The following PPP6R3 variants were observed in gnomAD, a reference collection of about 807,000 sequenced individuals.
PPP6R3 encodes the protein protein phosphatase 6 regulatory subunit 3, also known as serine/threonine-protein phosphatase 6 regulatory subunit 3.
In PPP6R3, 38 loss-of-function variants were observed where a neutral mutation model predicts 110.7. The ratio of observed to expected loss-of-function variants is 0.34; its 90% CI spans 0.26 to 0.45. The LOEUF (loss-of-function observed/expected upper bound fraction) is 0.45. Among genes scored for constraint, PPP6R3 ranks in the 20% least tolerant of loss-of-function variants. The pLI is 1.00. For missense variants in PPP6R3, 870 were observed against 1,062.4 expected, an observed-to-expected ratio of 0.82 and a Z score of 2.52; for synonymous variants, 369 against 373.5, an observed-to-expected ratio of 0.99 and a Z score of 0.14.
At chr11:68,555,429 T>C (rs2099395490) in intron 7 of PPP6R3, among the ~76,000 whole-genome samples, 1 of 152,224 alleles carries the variant, frequency 6.6e-6, no homozygotes, top group South Asian at 2.1e-4. Flanking sequence ...TAAAATGTTT[T>C]TGCCCAAAGT....
At position 68,512,373 on chromosome 11, in the gene PPP6R3, C is replaced by T. The variant is rs534347286; in HGVS notation, c.-157-7128C>T. On this transcript the variant is annotated intron_variant, in intron 1 of 23. Transcript: ENST00000393800. ...ATACCAGATGACACAGTCTGGAGCA[C>T]CATAATCCCAAATGTTGGAATACCT... Among the ~76,000 whole-genome samples the T allele has an allele frequency of 5.3e-5, 8 of 152,206 alleles. No individual in the cohort carries two copies. In the South Asian group the frequency reaches 1.7e-3, roughly 32 times the overall value.
rs778047374 is a variant in PPP6R3 at position 68,596,185 on chromosome 11, A to C, written c.2005A>C (p.Thr669Pro). The C allele has an allele frequency of 2.5e-6, 4 of 1,614,260 alleles. No individual in the cohort carries two copies. In the South Asian group the frequency reaches 4.4e-5, roughly 18 times the overall value. Residue 669 changes from threonine (T) to proline (P), a missense_variant, in exon 19 of 24, where the codon ACG (threonine) becomes CCG (proline). Physicochemically the swap from Thr to Pro is conservative, Grantham distance 38. Transcript: ENST00000393800. Reference protein sequence around the residue: ...QDLFEPSSANTEDKMEVDLSE... With the variant: ...QDLFEPSSANPEDKMEVDLSE... ...CTTGTTTGAACCCAGCAGTGCCAAC[A>C]CGGAGGATAAAATGGAGGTGGACCT... is the stretch of plus-strand genomic sequence containing the variant.
intron 1 of PPP6R3, among the ~76,000 whole-genome samples, chr11:68,499,242 A>G (rs932729194): frequency 6.6e-6 from 1 of 152,056 alleles, no homozygotes; most frequent in Non-Finnish European, 1.5e-5. Flanking sequence ...TGGGAGTGGC[A>G]TGGTTGTCTG....
intron 2 of PPP6R3, among the ~76,000 whole-genome samples, chr11:68,525,239 A>G (rs1291669409): frequency 1.3e-5 from 2 of 152,256 alleles, no homozygotes; most frequent in African/African-American, 4.8e-5. Flanking sequence ...ATCTAAAAGC[A>G]TGAAGCCCAG....
At chr11:68,512,983 A>C (rs552933200) in intron 1 of PPP6R3, among the ~76,000 whole-genome samples, 4 of 152,112 alleles carry the variant, frequency 2.6e-5, no homozygotes, top group African/African-American at 9.7e-5. Flanking sequence ...CATCCAATCA[A>C]CCAGGGTCCA....
chr11:68,528,310 C>T (rs1185764220), intron 2 of PPP6R3, among the ~76,000 whole-genome samples: 1 of 151,916 alleles, frequency 6.6e-6, no homozygotes, highest in Admixed American at 6.6e-5. Context: ...GCTTTTGACA[C>T]CTTCTTTGGA....
intron 10 of PPP6R3, among the ~76,000 whole-genome samples, chr11:68,568,816 C>T (rs2153771855): frequency 6.6e-6 from 1 of 151,752 alleles, no homozygotes; most frequent in South Asian, 2.1e-4. Flanking sequence ...GTCGCCCAGG[C>T]TGGAGTGCAG....
At chr11:68,535,443 C>G (rs915742725) in intron 2 of PPP6R3, 1 of 152,144 alleles carries the variant, frequency 6.6e-6, no homozygotes, top group South Asian at 2.1e-4. Context: ...TCCTCCACAT[C>G]GACTCCTCTT....
intron 1 of PPP6R3, among the ~76,000 whole-genome samples, chr11:68,514,241 CTT>C (rs113039036): frequency 8.1e-5 from 12 of 148,942 alleles, no homozygotes; most frequent in African/African-American, 2.7e-4. Flanking sequence ...ATGAAAAAAA[CTT>C]TTTTTTTTGT....
intron 2 of PPP6R3, among the ~76,000 whole-genome samples, chr11:68,525,343 A>G (rs182649702): frequency 1.3e-5 from 2 of 152,304 alleles, no homozygotes; most frequent in African/African-American, 4.8e-5. Flanking sequence ...CAGACAGTTA[A>G]TGTGATTGTG....
At chr11:68,484,602 T>G (rs1272419610) in intron 1 of PPP6R3, among the ~76,000 whole-genome samples, 3 of 151,574 alleles carry the variant, frequency 2.0e-5, no homozygotes, top group Admixed American at 2.0e-4. Flanking sequence ...AGATACATAT[T>G]TTGAGACGGA....
At chr11:68,558,748 T>C (rs1329490726) in intron 8 of PPP6R3, 69 bp downstream of exon 8, 1 of 1,206,126 alleles carries the variant, frequency 8.3e-7, no homozygotes, top group Non-Finnish European at 1.2e-6. Flanking sequence ...GTTAAATTCT[T>C]AGTGGATAAG....
chr11:68,561,593 G>A (rs1317242749), intron 8 of PPP6R3, among the ~76,000 whole-genome samples: 1 of 152,184 alleles, frequency 6.6e-6, no homozygotes, highest in African/African-American at 2.4e-5. Flanking sequence ...TCTTGGGAAT[G>A]CAAGGCTCAT....
chr11:68,530,320 A>G (rs1233729289), intron 2 of PPP6R3, among the ~76,000 whole-genome samples: 1 of 152,022 alleles, frequency 6.6e-6, no homozygotes, highest in Non-Finnish European at 1.5e-5. Flanking sequence ...GTGTGCTTGC[A>G]TGTCTTTGTA....
intron 1 of PPP6R3, among the ~76,000 whole-genome samples, chr11:68,511,486 G>GTGTA (rs1304260004): frequency 6.8e-6 from 1 of 148,060 alleles, no homozygotes; most frequent in African/African-American, 2.5e-5. Flanking sequence ...GTGTGTGTGT[G>GTGTA]TGTGTGTGTT....
intron 12 of PPP6R3, 123 bp downstream of exon 12, chr11:68,571,227 A>T: frequency 7.9e-7 from 1 of 1,267,516 alleles, no homozygotes; most frequent in South Asian, 1.7e-5. Flanking sequence ...TTTACAATTT[A>T]AACTTTTCCC....
intron 1 of PPP6R3, among the ~76,000 whole-genome samples, chr11:68,472,616 G>C (rs931317763): frequency 6.6e-5 from 10 of 151,072 alleles, no homozygotes; most frequent in Non-Finnish European, 1.5e-4. Flanking sequence ...TATATCTCGG[G>C]GTTTTTTTTT....
chr11:68,558,927 GT>G (rs2099409178), intron 8 of PPP6R3, among the ~76,000 whole-genome samples: 1 of 152,168 alleles, frequency 6.6e-6, no homozygotes, highest in Non-Finnish European at 1.5e-5. Flanking sequence ...TTTGGTAGTG[GT>G]AGTTAGGAAA....
intron 1 of PPP6R3, among the ~76,000 whole-genome samples, chr11:68,504,128 G>T (rs187108920): frequency 1.3e-5 from 2 of 152,316 alleles, no homozygotes; most frequent in East Asian, 3.9e-4. Flanking sequence ...AAACTAAATG[G>T]TCATCAGTGG....
Sources: allele counts gnomAD v4.1 joint callset (sites outside exome capture counted in the v4.1 genomes callset), GRCh38; gene constraint gnomAD v4.1.1; transcripts MANE v1.5; gene names NCBI Gene and HGNC (gene_info 2026-07-23, HGNC 2026-07-21).